DMD: variants seen among roughly 807,000 people sequenced by gnomAD.
DMD encodes the protein dystrophin, also known as mutant dystrophin.
A neutral mutation model predicts 330.1 loss-of-function variants in DMD; 63 were observed. The ratio of observed to expected loss-of-function variants is 0.19; its 90% CI spans 0.16 to 0.24. The LOEUF is 0.24. Ranked by LOEUF, DMD falls within the 10% of genes least tolerant of loss-of-function variation. The pLI is 1.00. For missense variants in DMD, 3,344 were observed against 2,684.1 expected, an observed-to-expected ratio of 1.25 and a Z score of -5.43; for synonymous variants, 1,223 against 959.8, an observed-to-expected ratio of 1.27 and a Z score of -5.07.
intron 60 of DMD, among the ~76,000 whole-genome samples, chrX:31,400,553 T>G (rs1390125310): frequency 8.9e-6 from 1 of 111,914 alleles, no homozygotes; most frequent in East Asian, 2.8e-4. Flanking sequence ...CTCAGATATT[T>G]GAAGTTCACA....
chrX:32,261,278 G>T (rs1271908306), intron 43 of DMD, among the ~76,000 whole-genome samples: 1 of 111,763 alleles, frequency 8.9e-6, no homozygotes, highest in Non-Finnish European at 1.9e-5. Flanking sequence ...CTTCAGAAAG[G>T]TTAACTCTTT....
chrX:31,958,185 T>A (rs1353871901), intron 45 of DMD, among the ~76,000 whole-genome samples: 1 of 99,727 alleles, frequency 1.0e-5, no homozygotes, highest in East Asian at 3.5e-4. Flanking sequence ...TTAAATGCAA[T>A]AACCTTAAAG....
At chrX:32,219,334 A>G (rs2147883088) in intron 43 of DMD, among the ~76,000 whole-genome samples, 1 of 111,930 alleles carries the variant, frequency 8.9e-6, no homozygotes, top group South Asian at 3.7e-4. Flanking sequence ...TGCACATTGC[A>G]TATGTTACAT....
chrX:31,968,962 A>C (rs2095375135), intron 44 of DMD, among the ~76,000 whole-genome samples: 1 of 111,409 alleles, frequency 9.0e-6, no homozygotes, highest in Non-Finnish European at 1.9e-5. Context: ...TAGGTTAGTC[A>C]CAGTATTAAA....
intron 44 of DMD, among the ~76,000 whole-genome samples, chrX:32,205,006 C>CTCTCTCTCTCTCTCACAT (rs1277984815): frequency 1.6e-4 from 3 of 18,466 alleles, no homozygotes; most frequent in Non-Finnish European, 2.8e-4. Context: ...CTCTCTCTCT[C>CTCTCTCTCTCTCTCACAT]ACATACACAC....
At chrX:33,066,488 GA>G (rs1322366296) in intron 1 of DMD, among the ~76,000 whole-genome samples, 1 of 83,315 alleles carries the variant, frequency 1.2e-5, no homozygotes, top group East Asian at 4.5e-4. Context: ...AAAAAGAAAA[GA>G]AAAAAAGGAA....
rs1210743904 is a variant in DMD, at chrX:33,235,916, AT to A, written c.7+103342del. ...AACTTATATTATTATTATTATTATT[AT>A]TTTTTTTTTTTTTTATGAGACGGAA... On this transcript the variant is annotated intron_variant, in intron 1 of 17. Transcript: ENST00000288447. Among the ~76,000 whole-genome samples, 698 of 87,079 alleles carry A rather than the reference AT, an allele frequency of 8.0e-3. 1 individual carries two copies. The highest frequency in any genetic ancestry group is 0.013 in the African/African-American group (327 of 24,265). 75.6% of individuals were successfully genotyped at this position (87,079 alleles called of 115,157 possible). A position where few individuals can be genotyped will look rare whatever the true frequency, so the allele number is the denominator to read the frequency against.
At chrX:32,876,927 T>A (rs1382386344) in intron 2 of DMD, among the ~76,000 whole-genome samples, 2 of 112,273 alleles carry the variant, frequency 1.8e-5, no homozygotes, top group African/African-American at 3.2e-5. Flanking sequence ...ATTTAAACTT[T>A]AAGATAAAAA....
chrX:33,171,244 C>G (rs2049328029), intron 1 of DMD, among the ~76,000 whole-genome samples: 1 of 110,667 alleles, frequency 9.0e-6, no homozygotes, highest in Admixed American at 9.7e-5. Flanking sequence ...AATGGAAATT[C>G]AACAGATGAG....
At chrX:32,692,054 T>C (rs932594152) in intron 9 of DMD, among the ~76,000 whole-genome samples, 5 of 111,958 alleles carry the variant, frequency 4.5e-5, no homozygotes, top group African/African-American at 1.6e-4. Context: ...CTATGAAAGA[T>C]GAGAAAATTC....
At chrX:31,311,342 C>A (rs189651331) in intron 62 of DMD, among the ~76,000 whole-genome samples, 2 of 111,634 alleles carry the variant, frequency 1.8e-5, no homozygotes, top group Non-Finnish European at 3.8e-5. Flanking sequence ...AAATTGACCA[C>A]GCGCTACCTT....
At chrX:32,178,828 G>GTGTGTGTGT in intron 44 of DMD, among the ~76,000 whole-genome samples, 1 of 16,701 alleles carries the variant, frequency 6.0e-5, no homozygotes, top group African/African-American at 2.0e-4. Context: ...AATATTCCAG[G>GTGTGTGTGT]GGGTGTGTGT....
chrX:33,259,342 A>G (rs925188239), intron 1 of DMD, among the ~76,000 whole-genome samples: 13 of 110,083 alleles, frequency 1.2e-4, no homozygotes, highest in Admixed American at 9.7e-4. Flanking sequence ...CAAAGTCCAT[A>G]GATTACATTA....
chrX:32,625,904 A>C (rs1420317407), intron 11 of DMD, among the ~76,000 whole-genome samples: 1 of 111,774 alleles, frequency 8.9e-6, no homozygotes, highest in Admixed American at 9.5e-5. Context: ...CAATTTAAAA[A>C]AATACACCTA....
chrX:31,981,648 A>T (rs761703020), intron 44 of DMD, among the ~76,000 whole-genome samples: 3 of 111,553 alleles, frequency 2.7e-5, no homozygotes, highest in Non-Finnish European at 3.8e-5. Flanking sequence ...AAGGTTAGGG[A>T]TAGAGACGAC....
intron 1 of DMD, among the ~76,000 whole-genome samples, chrX:33,083,844 C>G (rs1013729167): frequency 1.8e-5 from 2 of 111,289 alleles, no homozygotes; most frequent in African/African-American, 6.5e-5. Context: ...TGAACAGACA[C>G]CCCACAATGG....
intron 1 of DMD, among the ~76,000 whole-genome samples, chrX:33,253,746 C>T (rs1352125380): frequency 9.0e-6 from 1 of 110,813 alleles, no homozygotes; most frequent in Non-Finnish European, 1.9e-5. Context: ...AAAATATCAC[C>T]GTCTCTGATG....
At position 32,343,213 on chromosome X, in the gene DMD, T is replaced by C. The variant is rs1239878805; in HGVS notation, c.5660A>G (p.Asp1887Gly). Residue 1887 changes from aspartate to glycine, a missense_variant, in exon 40 of 79, where the codon GAT (aspartate) becomes GGT (glycine). Asp to Gly is a moderately conservative substitution (Grantham distance 94). Coordinates refer to ENST00000357033, the MANE Select transcript of DMD (RefSeq NM_004006.3). ...GTCATCCAAGCATTTCAGGAGATCA[T>C]CAGCCTGCCTCTTGTACTGATACCA... is the stretch of plus-strand genomic sequence containing the variant. Reference protein sequence around the residue: ...HQWYQYKRQADDLLKCLDDIE... With the variant: ...HQWYQYKRQAGDLLKCLDDIE... 3.3e-6 allele frequency: 4 copies of C among 1,206,921 alleles called. No individual in the cohort carries two copies. Among genetic ancestry groups the C allele is most frequent in the Non-Finnish European group, 4.5e-6 (4 of 892,862 alleles).
intron 71 of DMD, 46 bp downstream of exon 71, chrX:31,177,886 G>A (rs746258154): frequency 7.4e-6 from 8 of 1,082,002 alleles, no homozygotes; most frequent in Admixed American, 2.2e-5. Context: ...CCAAGCGAGC[G>A]AATGTGTTGG....
Sources: allele counts gnomAD v4.1 joint callset (sites outside exome capture counted in the v4.1 genomes callset), GRCh38; gene constraint gnomAD v4.1.1; transcripts MANE v1.5; gene names NCBI Gene and HGNC (gene_info 2026-07-23, HGNC 2026-07-21).